Variants in PTPRD observed in about 807,000 individuals in gnomAD.
The protein encoded by PTPRD is receptor-type tyrosine-protein phosphatase delta.
In PTPRD, 34 loss-of-function variants were observed where a neutral mutation model predicts 214.5. The ratio of observed to expected loss-of-function variants is 0.16; its 90% CI spans 0.12 to 0.21. The LOEUF (loss-of-function observed/expected upper bound fraction) is 0.21. Ranked by LOEUF, PTPRD falls within the 10% of genes least tolerant of loss-of-function variation. The pLI is 1.00. For missense variants in PTPRD, 2,545 were observed against 2,398.7 expected, an observed-to-expected ratio of 1.06 and a Z score of -1.27; for synonymous variants, 1,128 against 845.7, an observed-to-expected ratio of 1.33 and a Z score of -5.79.
chr9:10,194,166 C>T (rs1473032284), intron 3 of PTPRD, among the ~76,000 whole-genome samples: 2 of 151,970 alleles, frequency 1.3e-5, no homozygotes, highest in African/African-American at 2.4e-5. Flanking sequence ...TCATTGATGC[C>T]TCTTCCCATC....
At chr9:10,593,164 G>A (rs752485753) in intron 2 of PTPRD, among the ~76,000 whole-genome samples, 5 of 151,970 alleles carry the variant, frequency 3.3e-5, no homozygotes, top group Non-Finnish European at 5.9e-5. Context: ...AGAACATAGA[G>A]TTGTATCCTA....
intron 14 of PTPRD, among the ~76,000 whole-genome samples, chr9:8,540,943 G>A (rs1458268717): frequency 6.6e-6 from 1 of 152,118 alleles, no homozygotes; most frequent in African/African-American, 2.4e-5. Context: ...TATCTGACAG[G>A]AGAAAATTGA....
At chr9:8,796,850 C>T (rs2096441286) in intron 11 of PTPRD, among the ~76,000 whole-genome samples, 1 of 151,920 alleles carries the variant, frequency 6.6e-6, no homozygotes, top group African/African-American at 2.4e-5. Context: ...TCAAACATCG[C>T]CTAGAACTTG....
chr9:10,314,585 A>G (rs1476562797), intron 3 of PTPRD, among the ~76,000 whole-genome samples: 1 of 151,942 alleles, frequency 6.6e-6, no homozygotes, highest in Non-Finnish European at 1.5e-5. Context: ...GAGAGAGCTC[A>G]AGGCTGAAAT....
At chr9:9,319,714 G>A (rs186954909) in intron 9 of PTPRD, among the ~76,000 whole-genome samples, 32 of 152,162 alleles carry the variant, frequency 2.1e-4, no homozygotes, top group Non-Finnish European at 3.7e-4. Flanking sequence ...CAAAAAGAAG[G>A]CACTTTAGCC....
intron 7 of PTPRD, among the ~76,000 whole-genome samples, chr9:9,606,965 TAAAAAAAAAAAAAAAAAAAAAAAAA>T (rs754610072): frequency 9.8e-4 from 27 of 27,488 alleles, no homozygotes; most frequent in African/African-American, 3.2e-3. Context: ...TCAGCACTGC[TAAAAAAAAAAAAAAAAAAAAAAAAA>T]AAAAAAAAAA....
chr9:9,470,304 A>G (rs2094501545), intron 8 of PTPRD, among the ~76,000 whole-genome samples: 1 of 152,154 alleles, frequency 6.6e-6, no homozygotes, highest in Admixed American at 6.5e-5. Context: ...GAAACCTACC[A>G]TCTTCATCTT....
At chr9:8,624,463 C>G (rs1418505813) in intron 14 of PTPRD, among the ~76,000 whole-genome samples, 5 of 151,960 alleles carry the variant, frequency 3.3e-5, no homozygotes, top group African/African-American at 9.6e-5. Flanking sequence ...ATAACACTTA[C>G]TGAATTACTA....
At chr9:9,019,305 A>AAAGAAAGAAAGG (rs1554629168) in intron 10 of PTPRD, among the ~76,000 whole-genome samples, 190 of 93,300 alleles carry the variant, frequency 2.0e-3, no homozygotes, top group African/African-American at 5.7e-3. Context: ...AGAAAGAAAG[A>AAAGAAAGAAAGG]AAGAAAGAAA....
chr9:9,315,577 G>A (rs1962328631), intron 9 of PTPRD, among the ~76,000 whole-genome samples: 1 of 151,718 alleles, frequency 6.6e-6, no homozygotes. Context: ...TCACTTTTTT[G>A]GGGGCCACTG....
chr9:9,212,517 T>C (rs554917159), intron 9 of PTPRD, among the ~76,000 whole-genome samples: 2 of 152,274 alleles, frequency 1.3e-5, no homozygotes, highest in South Asian at 2.1e-4. Context: ...GTCAAATCCA[T>C]TGAGCAGCCA....
chr9:9,352,353 GTA>G (rs1167624797), intron 9 of PTPRD, among the ~76,000 whole-genome samples: 9,879 of 130,008 alleles, frequency 0.076, 1,129 homozygotes, highest in African/African-American at 0.24. Context: ...GTGTGTGTGT[GTA>G]TATATGTGTG....
Position 10,109,810 on chromosome 9 carries a change from A to C in PTPRD, c.-544-76020T>G, listed in dbSNP as rs548998110. Among the ~76,000 whole-genome samples, 8 of 152,258 alleles carry C rather than the reference A, an allele frequency of 5.3e-5. No individual in the cohort carries two copies. The South Asian group carries it at 1.7e-3, about 32-fold the overall frequency. ...GGGGAAAAATAGGAGCTAGAAAATG[A>C]ACTATCTGGTTATATATTTTTTTCA... On this transcript the variant is annotated intron_variant, in intron 3 of 45. Coordinates refer to ENST00000381196, the MANE Select transcript of PTPRD (RefSeq NM_002839.4).
intron 5 of PTPRD, among the ~76,000 whole-genome samples, chr9:9,777,325 GCACACACACACACACA>G (rs34617348): frequency 7.0e-6 from 1 of 143,182 alleles, no homozygotes; most frequent in African/African-American, 2.6e-5. Context: ...GCACATACAT[GCACACACACACACACA>G]CACACACACA....
At chr9:9,795,315 G>T (rs2098994888) in intron 5 of PTPRD, among the ~76,000 whole-genome samples, 1 of 152,124 alleles carries the variant, frequency 6.6e-6, no homozygotes. Flanking sequence ...TCCCATTGTA[G>T]GGAAAGTTTT....
intron 14 of PTPRD, among the ~76,000 whole-genome samples, chr9:8,603,584 T>A (rs2095007367): frequency 6.6e-6 from 1 of 152,180 alleles, no homozygotes; most frequent in South Asian, 2.1e-4. Context: ...TTCCTTTATA[T>A]GAGAAGCAGA....
At chr9:8,842,654 G>C (rs930273428) in intron 11 of PTPRD, among the ~76,000 whole-genome samples, 4 of 152,098 alleles carry the variant, frequency 2.6e-5, no homozygotes, top group Non-Finnish European at 5.9e-5. Flanking sequence ...GTCAGGGGTG[G>C]AGTCTGGAAG....
chr9:9,474,748 G>T (rs1026379188), intron 8 of PTPRD, among the ~76,000 whole-genome samples: 1 of 151,876 alleles, frequency 6.6e-6, no homozygotes, highest in African/African-American at 2.4e-5. Flanking sequence ...TTTGTTATTG[G>T]TGTATAGAAT....
intron 2 of PTPRD, among the ~76,000 whole-genome samples, chr9:10,570,109 A>T (rs2066953347): frequency 6.6e-6 from 1 of 152,158 alleles, no homozygotes; most frequent in African/African-American, 2.4e-5. Context: ...TAAAAAAAAG[A>T]ATCTTAAGGA....
Sources: gnomAD v4.1 joint callset for allele counts (sites outside exome capture counted in the v4.1 genomes callset) on GRCh38, gnomAD v4.1.1 for gene constraint, MANE v1.5 for transcripts, NCBI Gene and HGNC (gene_info 2026-07-23, HGNC 2026-07-21) for gene names.